The following MKI67 variants were observed in gnomAD, a reference collection of about 807,000 sequenced individuals.
MKI67 encodes the protein marker of proliferation Ki-67.
Under a neutral mutation model 233.5 loss-of-function variants are expected in MKI67, and 152 were observed. That is an observed-to-expected ratio of 0.65 (90% CI 0.57 to 0.74). The LOEUF is 0.74. Among genes scored for constraint, MKI67 ranks in the 30% least tolerant of loss-of-function variants. The probability of loss-of-function intolerance (pLI) is 0.00; values close to 1 mark genes in which losing one functional copy is unlikely to be tolerated. For missense variants in MKI67, 3,940 were observed against 3,885.2 expected, an observed-to-expected ratio of 1.01 and a Z score of -0.37; for synonymous variants, 1,465 against 1,418.5, an observed-to-expected ratio of 1.03 and a Z score of -0.74.
chr10:128,112,063 CG>C lies in MKI67; in HGVS notation c.1970-19del. 1 of 1,606,742 alleles carries C rather than the reference CG, an allele frequency of 6.2e-7. No homozygotes were observed. Among genetic ancestry groups the C allele is most frequent in the East Asian group, 2.2e-5 (1 of 44,850 alleles). ...TTTTGCAACTGTCAAAGGGAAAAGA[CG>C]AAACTTTTCAAAAATTAGCATTCAT... On this transcript the variant is annotated intron_variant, in intron 9 of 14. Coordinates refer to ENST00000368654, the MANE Select transcript of MKI67 (RefSeq NM_002417.5).
Position 128,105,753 on chromosome 10 carries a change from G to C in MKI67, c.6087C>G (p.His2029Gln), listed in dbSNP as rs370136740. 46 of 1,613,958 alleles carry C rather than the reference G, an allele frequency of 2.9e-5. No individual in the cohort carries two copies. Among genetic ancestry groups the C allele is most frequent in the Non-Finnish European group, 1.4e-5 (17 of 1,180,040 alleles). Reference sequence around the variant, plus strand: ...TCTTTCCATCTCCTGCTGTCTCTCTGTGTGTCTGTGTGGTCTTCCCTGACG... The same window carrying C: ...TCTTTCCATCTCCTGCTGTCTCTCTCTGTGTCTGTGTGGTCTTCCCTGACG... ...TQTSGKTTQTHRETAGDGKSI... is the reference protein window; with the variant it reads ...TQTSGKTTQTQRETAGDGKSI... The change falls in exon 13 of 15, where the codon CAC (histidine) becomes CAG (glutamine). Residue 2029 changes from histidine to glutamine, a missense_variant. His to Gln is a conservative substitution (Grantham distance 24). Transcript: ENST00000368654.
chr10:128,120,924 G>C (rs1416261278), intron 4 of MKI67, among the ~76,000 whole-genome samples: 1 of 152,128 alleles, frequency 6.6e-6, no homozygotes, highest in Non-Finnish European at 1.5e-5. Context: ...AGATATTCCA[G>C]TTAAACACAA....
intron 5 of MKI67, among the ~76,000 whole-genome samples, 188 bp from the exon 6 acceptor site, chr10:128,116,724 T>C (rs1459122329): frequency 1.3e-5 from 2 of 152,132 alleles, no homozygotes; most frequent in Non-Finnish European, 2.9e-5. Flanking sequence ...CTGGCCAACA[T>C]GATGTAACCT....
chr10:128,107,280 T>A lies in MKI67; in HGVS notation c.4560A>T (p.Val1520=). 6.2e-7 allele frequency: 1 copy of A among 1,614,086 alleles called. No homozygotes were observed. Among genetic ancestry groups the A allele is most frequent in the East Asian group, 2.2e-5 (1 of 44,866 alleles). Residue 1520 remains valine, a synonymous_variant, in exon 13 of 15, where the codon GTA becomes GTT. Transcript: ENST00000368654. ...TCCTGAGTGCGAAGAATTCTTCTTC[T>A]ACGTCCACTTTCCTGAGACTTCTCT... ...QSKRSLRKVD[V]EEEFFALRKR... is the part of the protein sequence containing the mutation.
Position 128,111,941 on chromosome 10 carries a change from G to C in MKI67, c.2074C>G (p.Pro692Ala), listed in dbSNP as rs1248740152. The change falls in exon 10 of 15, where the codon CCT (proline) becomes GCT (alanine). Residue 692 changes from proline (P) to alanine (A), a missense_variant. Coordinates refer to ENST00000368654, the MANE Select transcript of MKI67 (RefSeq NM_002417.5). ...GAGGCCCCTACCTTTGGAGTAGCAG[G>C]TCTTCTTTGCCTTTTGTTCATTGAC... is the stretch of plus-strand genomic sequence containing the variant. ...QRSMNKRQRR[P>A]ATPKKPVGEV... 6.2e-7 allele frequency: 1 copy of C among 1,611,180 alleles called. No individual in the cohort carries two copies. The highest frequency in any genetic ancestry group is 8.5e-7 in the Non-Finnish European group (1 of 1,179,194).
Position 128,107,121 on chromosome 10 carries a change from T to C in MKI67, c.4719A>G (p.Arg1573=), listed in dbSNP as rs1323345084. Residue 1573 remains arginine, a synonymous_variant, in exon 13 of 15, where the codon AGA becomes AGG. Transcript: ENST00000368654. The part of the protein sequence containing the change: ...DLTENLTGSK[R]RLQTPKEKAQ... ...CCTTTTCCTTAGGAGTTTGTAGCCG[T>C]CTCTTGCTGCCAGTTAAGTTCTCTG... The C allele has an allele frequency of 5.0e-6, 8 of 1,611,766 alleles. No homozygotes were observed. The highest frequency in any genetic ancestry group is 6.8e-6 in the Non-Finnish European group (8 of 1,179,492).
rs1852405321 is a variant in MKI67 at position 128,103,846 on chromosome 10, C to T, written c.7994G>A (p.Arg2665Lys). ...GGCCTTTTCCTTAGGTGCTCTTGGC[C>T]TTCTCCTGCTGGGTTCCTCTTCTAC... ...NPVEEEPSRRRPRAPKEKAQP... is the reference protein window; with the variant it reads ...NPVEEEPSRRKPRAPKEKAQP... Residue 2665 changes from arginine to lysine, a missense_variant, in exon 13 of 15, where the codon AGG (arginine) becomes AAG (lysine). Transcript: ENST00000368654. The T allele has an allele frequency of 6.2e-7, 1 of 1,613,802 alleles. No individual in the cohort carries two copies. Among genetic ancestry groups the T allele is most frequent in the Non-Finnish European group, 8.5e-7 (1 of 1,179,952 alleles).
intron 8 of MKI67, 28 bp from the exon 9 acceptor site, chr10:128,112,473 G>A: frequency 6.3e-7 from 1 of 1,599,704 alleles, no homozygotes; most frequent in African/African-American, 1.3e-5. Context: ...TTTACAAGAA[G>A]CCTTAACAAG....
chr10:128,118,737 C>T (rs185172576), intron 5 of MKI67, among the ~76,000 whole-genome samples: 8 of 152,330 alleles, frequency 5.3e-5, no homozygotes, highest in African/African-American at 1.7e-4. Context: ...ACCTGTTCCA[C>T]ACTGATACAC....
intron 2 of MKI67, among the ~76,000 whole-genome samples, chr10:128,124,318 TG>T (rs1262533208): frequency 6.6e-6 from 1 of 152,220 alleles, no homozygotes; most frequent in Non-Finnish European, 1.5e-5. Flanking sequence ...CGACTATAGA[TG>T]GGTGTTTCTG....
At position 128,105,782 on chromosome 10, in the gene MKI67, G is replaced by C. The variant is rs778671187; in HGVS notation, c.6058C>G (p.Gln2020Glu). The C allele has an allele frequency of 1.9e-6, 3 of 1,614,188 alleles. No individual in the cohort carries two copies. The highest frequency in any genetic ancestry group is 2.7e-5 in the African/African-American group (2 of 75,036). Reference protein sequence around the residue: ...EEVLPVGKLTQTSGKTTQTHR... With the variant: ...EEVLPVGKLTETSGKTTQTHR... ...GTCTGTGTGGTCTTCCCTGACGTCTGTGTGAGCTTGCCGACTGGTAGGACC... is the reference window on the plus strand; with the variant it reads ...GTCTGTGTGGTCTTCCCTGACGTCTCTGTGAGCTTGCCGACTGGTAGGACC... The change falls in exon 13 of 15, where the codon CAG becomes GAG. Residue 2020 changes from glutamine (Q) to glutamate (E), a missense_variant. Transcript: ENST00000368654.
Position 128,101,373 on chromosome 10 carries a change from G to A in MKI67, c.9590C>T (p.Ser3197Phe). The A allele has an allele frequency of 6.2e-7, 1 of 1,614,184 alleles. No individual in the cohort carries two copies. The highest frequency in any genetic ancestry group is 8.5e-7 in the Non-Finnish European group (1 of 1,180,014). The change falls in exon 14 of 15, where the codon TCC becomes TTC. Residue 3197 changes from serine to phenylalanine, a missense_variant. Transcript: ENST00000368654. ...KGKGEAGNSD[S>F]MCLRSRKTKS... The stretch of plus-strand genomic sequence containing the variant: ...TGTCTTTCTTGATCTCAGGCACATG[G>A]AGTCTGAATTTCCTGCTTCTCCTTT...
At position 128,107,657 on chromosome 10, in the gene MKI67, A is replaced by G. The variant is rs1290070127; in HGVS notation, c.4183T>C (p.Leu1395=). ...TCCTTCTGTACGTCCCTTTTCTCCA[A>G]AGGTGTCTTGGGCTGCCTTCTTGTG... ...TSTRRQPKTP[L]EKRDVQKELS... Residue 1395 remains leucine (L), a synonymous_variant, in exon 13 of 15, where the codon TTG becomes CTG. Coordinates refer to ENST00000368654, the MANE Select transcript of MKI67 (RefSeq NM_002417.5). 2 of 1,613,404 alleles carry G rather than the reference A, an allele frequency of 1.2e-6. No homozygotes were observed. Among genetic ancestry groups the G allele is most frequent in the South Asian group, 1.1e-5 (1 of 91,032 alleles).
At chr10:128,100,266 C>T (rs1001991422) in intron 14 of MKI67, among the ~76,000 whole-genome samples, 4 of 152,172 alleles carry the variant, frequency 2.6e-5, no homozygotes, top group Admixed American at 6.5e-5. Context: ...ATGGGCATCT[C>T]CCCACTAGGA....
At position 128,102,819 on chromosome 10, in the gene MKI67, C is replaced by T. The variant is rs141921507; in HGVS notation, c.9021G>A (p.Thr3007=). Residue 3007 remains threonine (T), a synonymous_variant, in exon 13 of 15, where the codon ACG becomes ACA. Coordinates refer to ENST00000368654, the MANE Select transcript of MKI67 (RefSeq NM_002417.5). ...KRGGGKDGSV[T]GTKRLRCMPA... is the part of the protein sequence containing the mutation. Reference sequence around the variant, plus strand: ...GCATGCAGCGCAGCCTCTTGGTTCCCGTGACGCTTCCATCTTTGCCACCTC... The same window carrying T: ...GCATGCAGCGCAGCCTCTTGGTTCCTGTGACGCTTCCATCTTTGCCACCTC... 68 of 1,614,084 alleles carry T rather than the reference C, an allele frequency of 4.2e-5. No individual in the cohort carries two copies. In the African/African-American group the frequency reaches 4.7e-4, roughly 11 times the overall value.
In MKI67 at chr10:128,107,359, C is replaced by A; in HGVS notation, c.4481G>T (p.Cys1494Phe). Reference protein sequence around the residue: ...TTHEKTTKIACRSQPDPVDTP... With the variant: ...TTHEKTTKIAFRSQPDPVDTP... The stretch of plus-strand genomic sequence containing the variant: ...GTCCACTGGGTCTGGTTGTGATCTG[C>A]AGGCTATTTTGGTAGTTTTCTCGTG... The change falls in exon 13 of 15, where the codon TGC (cysteine) becomes TTC (phenylalanine). Residue 1494 changes from cysteine to phenylalanine, a missense_variant. Cys to Phe is a radical substitution (Grantham distance 205). Coordinates refer to ENST00000368654, the MANE Select transcript of MKI67 (RefSeq NM_002417.5). The A allele has an allele frequency of 1.9e-6, 3 of 1,613,680 alleles. No homozygotes were observed. The highest frequency in any genetic ancestry group is 2.5e-6 in the Non-Finnish European group (3 of 1,179,932).
Position 128,107,616 on chromosome 10 carries a change from C to A in MKI67, c.4224G>T (p.Lys1408Asn), listed in dbSNP as rs1211480252. Reference protein sequence around the residue: ...RDVQKELSALKKLTQTSGETT... With the variant: ...RDVQKELSALNKLTQTSGETT... Reference sequence around the variant, plus strand: ...TTTCCCCTGATGTCTGTGTGAGCTTCTTCAGGGCTGAGAGCTCCTTCTGTA... The same window carrying A: ...TTTCCCCTGATGTCTGTGTGAGCTTATTCAGGGCTGAGAGCTCCTTCTGTA... Residue 1408 changes from lysine to asparagine, a missense_variant, in exon 13 of 15, where the codon AAG becomes AAT. By Grantham distance (94) the Lys-to-Asn change is moderately conservative. Transcript: ENST00000368654. 2.5e-6 allele frequency: 4 copies of A among 1,614,126 alleles called. No homozygotes were observed. Among genetic ancestry groups the A allele is most frequent in the Non-Finnish European group, 3.4e-6 (4 of 1,180,034 alleles).
chr10:128,107,946 C>A lies in MKI67; in HGVS notation c.3894G>T (p.Thr1298=). The A allele has an allele frequency of 6.2e-7, 1 of 1,613,322 alleles. No individual in the cohort carries two copies. Among genetic ancestry groups the A allele is most frequent in the Non-Finnish European group, 8.5e-7 (1 of 1,179,844 alleles). Residue 1298 remains threonine, a synonymous_variant, in exon 13 of 15, where the codon ACG becomes ACT. Coordinates refer to ENST00000368654, the MANE Select transcript of MKI67 (RefSeq NM_002417.5). ...LMPSAGKAMH[T]PKPSVGEEKD... Reference sequence around the variant, plus strand: ...TCTCTTCACCTACTGATGGTTTAGGCGTGTGCATGGCTTTGCCTGCTGATG... The same window carrying A: ...TCTCTTCACCTACTGATGGTTTAGGAGTGTGCATGGCTTTGCCTGCTGATG...
Position 128,109,521 on chromosome 10 carries a change from G to A in MKI67, c.2417-98C>T, listed in dbSNP as rs1322570736. On this transcript the variant is annotated intron_variant, in intron 12 of 14. Transcript: ENST00000368654. Reference sequence around the variant, plus strand: ...AATATGGTAAAAAACTAAATATTTAGCTTCGTATTCACTGAACGACATGAG... The same window carrying A: ...AATATGGTAAAAAACTAAATATTTAACTTCGTATTCACTGAACGACATGAG... 8 of 1,337,764 alleles carry A rather than the reference G, an allele frequency of 6.0e-6. No individual in the cohort carries two copies. In the Admixed American group the frequency reaches 1.2e-4, roughly 20 times the overall value. The allele number at this position is 1,337,764 out of a possible 1,614,324, so 82.9% of individuals were successfully genotyped here. A position where few individuals can be genotyped will look rare whatever the true frequency, so the allele number is the denominator to read the frequency against.
Sources: allele counts gnomAD v4.1 joint callset (sites outside exome capture counted in the v4.1 genomes callset), GRCh38; gene constraint gnomAD v4.1.1; transcripts MANE v1.5; gene names NCBI Gene and HGNC (gene_info 2026-07-23, HGNC 2026-07-21).